The following STK32B variants were observed in gnomAD, a reference collection of about 807,000 sequenced individuals.
The protein encoded by STK32B is serine/threonine-protein kinase 32B.
STK32B carries 43 observed loss-of-function variants against 52.6 expected under a neutral mutation model. The observed-to-expected ratio is 0.82, with a 90% CI of 0.64 to 1.05. The LOEUF (loss-of-function observed/expected upper bound fraction) is 1.05. Ranked by LOEUF, STK32B falls within the 50% of genes least tolerant of loss-of-function variation. STK32B has a pLI of 0.00. For missense variants in STK32B, 621 were observed against 534.6 expected (o/e 1.16, Z -1.59); for synonymous variants, 238 against 204.3 (o/e 1.17, Z -1.41).
At position 5,345,719 on chromosome 4, in the gene STK32B, A is replaced by T. The variant is rs538284012; in HGVS notation, c.434+14326A>T. ...ACCAAGCTTGAGGGCCTAAGCTCAT[A>T]CTATCTCTATTCTGATAACCTATGG... On this transcript the variant is annotated intron_variant, in intron 4 of 11. Coordinates refer to ENST00000282908, the MANE Select transcript of STK32B (RefSeq NM_018401.3). Among the ~76,000 whole-genome samples, 17 of 152,338 alleles carry T rather than the reference A, an allele frequency of 1.1e-4. No individual in the cohort carries two copies. The East Asian group carries it at 3.1e-3, about 28-fold the overall frequency.
intron 4 of STK32B, among the ~76,000 whole-genome samples, chr4:5,367,776 C>G (rs1372896328): frequency 6.6e-6 from 1 of 152,190 alleles, no homozygotes; most frequent in Non-Finnish European, 1.5e-5. Flanking sequence ...AATGTCTTTT[C>G]TCTGCTGGAC....
rs1315898213 is a variant in STK32B at position 5,493,435 on chromosome 4, C to T, written c.1107-5510C>T. 3.9e-5 allele frequency among the ~76,000 whole-genome samples: 6 copies of T among 152,060 alleles called. 1 individual carries two copies. In the South Asian group the frequency reaches 6.2e-4, roughly 16 times the overall value. On this transcript the variant is annotated intron_variant, in intron 11 of 11. Transcript: ENST00000282908. ...GGGATCGGTGGTGATATCCTTTTAT[C>T]ATTTTTTATTGCGTGTATTTGATTC...
chr4:5,483,517 G>A (rs202135415), intron 11 of STK32B, among the ~76,000 whole-genome samples: 2 of 151,956 alleles, frequency 1.3e-5, no homozygotes, highest in African/African-American at 4.8e-5. Flanking sequence ...TATCAATTTT[G>A]TTGACCTTTT....
At chr4:5,268,044 A>G (rs1727166021) in intron 3 of STK32B, among the ~76,000 whole-genome samples, 1 of 152,182 alleles carries the variant, frequency 6.6e-6, no homozygotes, top group African/African-American at 2.4e-5. Context: ...TTCAGGAGCC[A>G]TTCTGTTCTG....
chr4:5,065,916 G>T (rs1256328759), intron 1 of STK32B, among the ~76,000 whole-genome samples: 5 of 152,012 alleles, frequency 3.3e-5, no homozygotes, highest in Non-Finnish European at 7.4e-5. Context: ...TAGTGACAGG[G>T]TTTCACTATG....
intron 3 of STK32B, among the ~76,000 whole-genome samples, chr4:5,314,282 T>C (rs1395281016): frequency 1.3e-5 from 2 of 152,166 alleles, no homozygotes; most frequent in East Asian, 3.8e-4. Context: ...TCAAAAGCAA[T>C]ATCATGAAGG....
rs181811321 is a variant in STK32B at position 5,253,437 on chromosome 4, C to T, written c.261-77783C>T. Among the ~76,000 whole-genome samples the T allele has an allele frequency of 8.2e-4, 125 of 152,208 alleles. 1 individual carries two copies. In the East Asian group the frequency reaches 0.021, roughly 25 times the overall value. ...TCACCCAGACTGGAGTGCAGTGGCACGATCTCAGCTCACCGCAACCTCCTT... is the reference window on the plus strand; with the variant it reads ...TCACCCAGACTGGAGTGCAGTGGCATGATCTCAGCTCACCGCAACCTCCTT... On this transcript the variant is annotated intron_variant, in intron 3 of 11. Transcript: ENST00000282908.
intron 6 of STK32B, among the ~76,000 whole-genome samples, chr4:5,425,758 A>G (rs1294640666): frequency 6.6e-6 from 1 of 152,202 alleles, no homozygotes; most frequent in Admixed American, 6.5e-5. Flanking sequence ...CTATAAAGAT[A>G]TAGATGGGTT....
intron 3 of STK32B, among the ~76,000 whole-genome samples, chr4:5,313,135 C>A (rs964152442): frequency 6.7e-6 from 1 of 150,012 alleles, no homozygotes; most frequent in Non-Finnish European, 1.5e-5. Flanking sequence ...TACTTTTGCT[C>A]CAACCTATTA....
intron 3 of STK32B, among the ~76,000 whole-genome samples, chr4:5,318,648 G>C (rs181154949): frequency 6.6e-6 from 1 of 152,120 alleles, no homozygotes; most frequent in East Asian, 1.9e-4. Context: ...TCAGACAAGG[G>C]AACAGCATAA....
At position 5,460,504 on chromosome 4, in the gene STK32B, G is replaced by A. The variant is rs1488803946; in HGVS notation, c.909+276G>A. On this transcript the variant is annotated intron_variant, in intron 9 of 11. Coordinates refer to ENST00000282908, the MANE Select transcript of STK32B (RefSeq NM_018401.3). The surrounding 1 kb of genome is among the most constrained non-coding windows in gnomAD (Gnocchi z 4.8). ...CCAGGTGCTCAGGTCCAGGTGTGGG[G>A]ATAGCAGGCTGATCTACCCTTCTGC... 2.0e-5 allele frequency among the ~76,000 whole-genome samples: 3 copies of A among 152,180 alleles called. No individual in the cohort carries two copies. Among genetic ancestry groups the A allele is most frequent in the African/African-American group, 7.2e-5 (3 of 41,442 alleles).
intron 4 of STK32B, among the ~76,000 whole-genome samples, chr4:5,397,993 A>G (rs1274370872): frequency 6.6e-6 from 1 of 152,226 alleles, no homozygotes; most frequent in Non-Finnish European, 1.5e-5. Context: ...ATATTCAAAC[A>G]ATCTACTTGC....
rs911940938 is a variant in STK32B, at chr4:5,394,569, G to A, written c.435-3638G>A. On this transcript the variant is annotated intron_variant, in intron 4 of 11. Coordinates refer to ENST00000282908, the MANE Select transcript of STK32B (RefSeq NM_018401.3). The surrounding 1 kb of genome is among the most constrained non-coding windows in gnomAD (Gnocchi z 4.2). ...ATCTGCCCAGCAGTCTCCTGTGAAA[G>A]AGACCTAATTTGCTAAAGGCTCAAG... 6.6e-6 allele frequency among the ~76,000 whole-genome samples: 1 copy of A among 152,242 alleles called. No homozygotes were observed. The highest frequency in any genetic ancestry group is 1.5e-5 in the Non-Finnish European group (1 of 68,044).
At chr4:5,211,803 T>C (rs1722921606) in intron 3 of STK32B, among the ~76,000 whole-genome samples, 1 of 152,178 alleles carries the variant, frequency 6.6e-6, no homozygotes, top group Non-Finnish European at 1.5e-5. Flanking sequence ...GTAAACAAAC[T>C]CGCATTTTAC....
At chr4:5,372,012 C>T (rs977431329) in intron 4 of STK32B, among the ~76,000 whole-genome samples, 10 of 152,220 alleles carry the variant, frequency 6.6e-5, no homozygotes, top group Admixed American at 5.9e-4. Flanking sequence ...GCCCTGGAAA[C>T]AGGCCAGGAT....
At chr4:5,483,565 G>GT (rs557570442) in intron 11 of STK32B, among the ~76,000 whole-genome samples, 343 of 152,112 alleles carry the variant, frequency 2.3e-3, no homozygotes, top group African/African-American at 7.9e-3. Context: ...TTTTTTGAAG[G>GT]TTTTTTTGTG....
At chr4:5,262,825 T>G (rs1196975494) in intron 3 of STK32B, among the ~76,000 whole-genome samples, 1 of 152,208 alleles carries the variant, frequency 6.6e-6, no homozygotes, top group African/African-American at 2.4e-5. Context: ...AGTGATAAAT[T>G]GTTGGTTGAT....
rs571065965 is a variant in STK32B at position 5,495,227 on chromosome 4, T to C, written c.1107-3718T>C. Among the ~76,000 whole-genome samples the C allele has an allele frequency of 5.3e-3, 809 of 152,298 alleles. 11 individuals are homozygous for C. The highest frequency in any genetic ancestry group is 0.018 in the African/African-American group (739 of 41,538). ...TTCAGGTACACCAATCAGACGTAGA[T>C]TTGGTCTTTTCACATAGTCCCATAT... is the stretch of plus-strand genomic sequence containing the variant. On this transcript the variant is annotated intron_variant, in intron 11 of 11. Coordinates refer to ENST00000282908, the MANE Select transcript of STK32B (RefSeq NM_018401.3).
the STK32B span, among the ~76,000 whole-genome samples, chr4:5,029,878 C>T: frequency 1.3e-5 from 2 of 152,164 alleles, no homozygotes; most frequent in Admixed American, 6.5e-5. Context: ...AGGAAGAGAC[C>T]AGGTGGAGGT....
Sources: allele counts gnomAD v4.1 joint callset (sites outside exome capture counted in the v4.1 genomes callset), GRCh38; gene constraint gnomAD v4.1.1; non-coding constraint Gnocchi (gnomAD v3.1); transcripts MANE v1.5; gene names NCBI Gene and HGNC (gene_info 2026-07-23, HGNC 2026-07-21).